The following LRRC4C variants were observed in gnomAD, a reference collection of about 807,000 sequenced individuals.
LRRC4C encodes the protein leucine-rich repeat-containing protein 4C.
In LRRC4C, 5 loss-of-function variants were observed where a neutral mutation model predicts 33.6. That is an observed-to-expected ratio of 0.15 (90% CI 0.08 to 0.31). The LOEUF is 0.31. Among genes scored for constraint, LRRC4C ranks in the 10% least tolerant of loss-of-function variants. The pLI, the probability that LRRC4C is intolerant of heterozygous loss-of-function variation, is 1.00. For synonymous variants in LRRC4C, 329 were observed against 302.0 expected, an observed-to-expected ratio of 1.09 and a Z score of -0.93; for missense variants, 560 against 796.7, an observed-to-expected ratio of 0.70 and a Z score of 3.58.
intron 1 of LRRC4C, among the ~76,000 whole-genome samples, chr11:41,037,727 C>A (rs1857181451): frequency 6.6e-6 from 1 of 152,100 alleles, no homozygotes; most frequent in African/African-American, 2.4e-5. Flanking sequence ...CAAGATAACA[C>A]ATATAGTAGG....
chr11:40,736,971 T>A (rs2136859444), intron 2 of LRRC4C, among the ~76,000 whole-genome samples: 1 of 152,228 alleles, frequency 6.6e-6, no homozygotes, highest in South Asian at 2.1e-4. Context: ...GATGATAGTT[T>A]ATTTTCCTGT....
At chr11:41,279,445 C>T (rs1173078849) in intron 1 of LRRC4C, among the ~76,000 whole-genome samples, 1 of 149,666 alleles carries the variant, frequency 6.7e-6, no homozygotes, top group Non-Finnish European at 1.5e-5. Flanking sequence ...CAATCACTGC[C>T]TGCAATGGGT....
intron 1 of LRRC4C, among the ~76,000 whole-genome samples, chr11:41,022,145 TATA>T (rs1856028335): frequency 8.2e-6 from 1 of 121,300 alleles, no homozygotes; most frequent in East Asian, 2.0e-4. Context: ...TTTTGTTTTA[TATA>T]TATATATATA....
At chr11:41,124,592 T>TA (rs5791423) in intron 1 of LRRC4C, among the ~76,000 whole-genome samples, 62,507 of 152,052 alleles carry the variant, frequency 0.41, 13,885 homozygotes, top group Middle Eastern at 0.54. Flanking sequence ...AAATGCTTTT[T>TA]AAAAACTTAA....
intron 1 of LRRC4C, among the ~76,000 whole-genome samples, chr11:41,437,411 A>AAG (rs1555171467): frequency 7.2e-4 from 106 of 147,934 alleles, no homozygotes; most frequent in African/African-American, 2.2e-3. Flanking sequence ...ACACACACAA[A>AAG]CGCGCGCGCG....
intron 1 of LRRC4C, among the ~76,000 whole-genome samples, chr11:41,006,156 T>TA (rs1432469761): frequency 2.6e-5 from 4 of 152,242 alleles, no homozygotes; most frequent in Admixed American, 6.5e-5. Flanking sequence ...ATTTGGTTTT[T>TA]ATGCATCCAT....
intron 3 of LRRC4C, among the ~76,000 whole-genome samples, chr11:40,500,293 TACACACAC>T (rs375005241): frequency 0.025 from 2,409 of 96,764 alleles, 54 homozygotes; most frequent in African/African-American, 0.062. Flanking sequence ...TATATATATA[TACACACAC>T]ACACACACAC....
At chr11:40,359,782 C>T (rs1947863266) in intron 3 of LRRC4C, among the ~76,000 whole-genome samples, 1 of 152,144 alleles carries the variant, frequency 6.6e-6, no homozygotes, top group African/African-American at 2.4e-5. Context: ...AATTCATTTC[C>T]ATGAGCATTT....
intron 1 of LRRC4C, among the ~76,000 whole-genome samples, chr11:40,971,530 C>G (rs373261722): frequency 7.2e-5 from 11 of 152,174 alleles, no homozygotes; most frequent in African/African-American, 2.7e-4. Flanking sequence ...CAGAAGCCTG[C>G]TTTGGGGGTG....
intron 1 of LRRC4C, among the ~76,000 whole-genome samples, chr11:40,962,244 A>G (rs368533053): frequency 1.3e-5 from 2 of 151,624 alleles, no homozygotes. Context: ...GGAAGGGACC[A>G]TGAATCAAGC....
chr11:40,550,366 G>C (rs1316991655), intron 3 of LRRC4C, among the ~76,000 whole-genome samples: 1 of 152,010 alleles, frequency 6.6e-6, no homozygotes, highest in African/African-American at 2.4e-5. Context: ...TCTTTGTTGA[G>C]GATGCAGAGA....
intron 2 of LRRC4C, among the ~76,000 whole-genome samples, chr11:40,880,543 G>GA (rs201533170): frequency 0.32 from 40,639 of 125,962 alleles, 10,980 homozygotes; most frequent in African/African-American, 0.54. Flanking sequence ...ATTTTTAAAT[G>GA]AAAAAAAAAA....
chr11:41,253,457 A>G (rs899235979), intron 1 of LRRC4C, among the ~76,000 whole-genome samples: 1 of 152,088 alleles, frequency 6.6e-6, no homozygotes, highest in Non-Finnish European at 1.5e-5. Context: ...GAGTCTGACA[A>G]TATTACAGGG....
chr11:40,574,910 T>C (rs372183099), intron 3 of LRRC4C, among the ~76,000 whole-genome samples: 43 of 152,210 alleles, frequency 2.8e-4, no homozygotes, highest in African/African-American at 9.9e-4. Context: ...CTCTAGAAGG[T>C]TGCACGCCAT....
At chr11:41,082,870 A>AT (rs1939683991) in intron 1 of LRRC4C, among the ~76,000 whole-genome samples, 1 of 152,130 alleles carries the variant, frequency 6.6e-6, no homozygotes, top group African/African-American at 2.4e-5. Flanking sequence ...GTCTCAAAAA[A>AT]TAGCTAGGTT....
At chr11:40,762,225 G>T (rs1949250053) in intron 2 of LRRC4C, among the ~76,000 whole-genome samples, 2 of 152,262 alleles carry the variant, frequency 1.3e-5, no homozygotes, top group East Asian at 1.9e-4. Flanking sequence ...ATGTTGCATG[G>T]CTTGGTTTGT....
At chr11:41,039,174 G>A (rs1020832619) in intron 1 of LRRC4C, among the ~76,000 whole-genome samples, 1 of 152,122 alleles carries the variant, frequency 6.6e-6, no homozygotes, top group African/African-American at 2.4e-5. Flanking sequence ...CTCCACAGGG[G>A]TCGTATATAA....
chr11:41,397,333 T>C (rs1953858921), intron 1 of LRRC4C, among the ~76,000 whole-genome samples: 1 of 151,898 alleles, frequency 6.6e-6, no homozygotes, highest in Admixed American at 6.6e-5. Context: ...CTCTTTCTCC[T>C]CCTCCTCAGC....
chr11:41,443,596 T>TTCTCTCTTTCTTTTCTTC (rs530708266), intron 1 of LRRC4C, among the ~76,000 whole-genome samples: 2,233 of 151,876 alleles, frequency 0.015, 23 homozygotes, highest in Non-Finnish European at 0.022. Context: ...TTCTTTTCTT[T>TTCTCTCTTTCTTTTCTTC]TCTCTCTTTC....
Sources: gnomAD v4.1 joint callset for allele counts (sites outside exome capture counted in the v4.1 genomes callset) on GRCh38, gnomAD v4.1.1 for gene constraint, MANE v1.5 for transcripts, NCBI Gene and HGNC (gene_info 2026-07-23, HGNC 2026-07-21) for gene names.